Variants in CEP126 observed in about 807,000 individuals in gnomAD.
CEP126 encodes centrosomal protein 126.
In CEP126, 74 loss-of-function variants were observed where a neutral mutation model predicts 107.8. The ratio of observed to expected loss-of-function variants is 0.69; its 90% CI spans 0.57 to 0.83. The LOEUF (loss-of-function observed/expected upper bound fraction) is 0.83, where lower values mean the gene tolerates loss of function less well. CEP126 is among the 40% of genes least tolerant of loss of function. The pLI, the probability that CEP126 is intolerant of heterozygous loss-of-function variation, is 0.00. For synonymous variants in CEP126, 449 were observed against 446.0 expected (o/e 1.01, Z -0.08); for missense variants, 1,237 against 1,281.9 (o/e 0.96, Z 0.53).
rs1940983586 is a variant in CEP126 at position 101,962,139 on chromosome 11, AC to A, written c.1107del (p.Phe370LeufsTer10). The A allele has an allele frequency of 2.5e-6, 4 of 1,612,796 alleles. No individual in the cohort carries two copies. The East Asian group carries it at 6.7e-5, about 27-fold the overall frequency. On this transcript the variant is annotated frameshift_variant, in exon 6 of 11. Transcript: ENST00000263468. LOFTEE classifies it high-confidence loss of function. ...CCACAAATACTGCTAATAATTCAGT[AC>A]CCTTTGTATCTAGCCCACCCATGTT... ...RATNTANNSVPFVSSPPMFVL... is the reference protein window; with the variant it reads ...RATNTANNSVXFVSSPPMFVL...
rs1047431691 is a variant in CEP126, at chr11:101,915,293, G to A, written c.9G>A (p.Ala3=). ML[A]GRPGTRSAVG... ...CGGCGCTGAAGTGAAGGATGCTGGC[G>A]GGGAGGCCCGGAACCCGGAGCGCGG... Residue 3 remains alanine (A), a synonymous_variant, in exon 1 of 11, where the codon GCG becomes GCA. Transcript: ENST00000263468. 4.3e-6 allele frequency: 7 copies of A among 1,613,478 alleles called. No homozygotes were observed. Among genetic ancestry groups the A allele is most frequent in the African/African-American group, 4.0e-5 (3 of 74,946 alleles).
chr11:101,988,963 A>G (rs577249153), intron 9 of CEP126, among the ~76,000 whole-genome samples: 14 of 152,286 alleles, frequency 9.2e-5, no homozygotes, highest in African/African-American at 3.1e-4. Context: ...GATTTTAAAA[A>G]TCAAATAGAT....
At position 101,953,823 on chromosome 11, in the gene CEP126, G is replaced by A. The variant is rs111429174; in HGVS notation, c.507-4345G>A. On this transcript the variant is annotated intron_variant, in intron 4 of 10. Coordinates refer to ENST00000263468, the MANE Select transcript of CEP126 (RefSeq NM_020802.4). Reference sequence around the variant, plus strand: ...TTATATGTGTCAATATAATTTTAGAGTACTCTATAGGAAAGCTTGTCTGAA... The same window carrying A: ...TTATATGTGTCAATATAATTTTAGAATACTCTATAGGAAAGCTTGTCTGAA... Among the ~76,000 whole-genome samples the A allele has an allele frequency of 7.7e-3, 1,177 of 152,186 alleles. 11 individuals carry two copies. The highest frequency in any genetic ancestry group is 0.013 in the Admixed American group (197 of 15,278).
At chr11:101,935,660 G>T (rs891205455) in intron 2 of CEP126, among the ~76,000 whole-genome samples, 1 of 151,904 alleles carries the variant, frequency 6.6e-6, no homozygotes, top group Non-Finnish European at 1.5e-5. Context: ...TCTGTATTTT[G>T]TTCCATTGGT....
intron 3 of CEP126, among the ~76,000 whole-genome samples, chr11:101,947,272 G>A (rs573837353): frequency 6.6e-6 from 1 of 152,140 alleles, no homozygotes; most frequent in Non-Finnish European, 1.5e-5. Context: ...GTTATTTATA[G>A]TATGTGATAT....
Position 101,915,220 on chromosome 11 carries a change from A to G in CEP126, c.-65A>G. On this transcript the variant is annotated 5_prime_UTR_variant, in exon 1 of 11. Transcript: ENST00000263468. ...TAGGGAGGGGCCGAGCAGGAGGAGG[A>G]GGAAGCCGGAGCTGCCATGAGGGAG... 1 of 1,598,484 alleles carries G rather than the reference A, an allele frequency of 6.3e-7. No individual in the cohort carries two copies. Among genetic ancestry groups the G allele is most frequent in the Non-Finnish European group, 8.5e-7 (1 of 1,172,004 alleles).
In CEP126 at chr11:101,915,256, C is replaced by A. The variant is rs374652030; in HGVS notation, c.-29C>A. ...GCTGCCATGAGGGAGGTTCTGGGGG[C>A]GAGCAGACAGGCGGCGCTGAAGTGA... On this transcript the variant is annotated 5_prime_UTR_variant, in exon 1 of 11. Transcript: ENST00000263468. 5.2e-5 allele frequency: 83 copies of A among 1,611,616 alleles called. 1 individual carries two copies. The highest frequency in any genetic ancestry group is 4.3e-4 in the African/African-American group (32 of 75,018).
intron 10 of CEP126, among the ~76,000 whole-genome samples, chr11:101,994,974 A>G: frequency 6.6e-6 from 1 of 151,242 alleles, no homozygotes. Flanking sequence ...TGCTGCACCC[A>G]TCAACCCATC....
Position 101,962,582 on chromosome 11 carries a change from CTTTA to C in CEP126, c.1551_1554del (p.Leu517PhefsTer23), listed in dbSNP as rs751262356. 5 of 1,613,468 alleles carry C rather than the reference CTTTA, an allele frequency of 3.1e-6. No individual in the cohort carries two copies. Among genetic ancestry groups the C allele is most frequent in the Non-Finnish European group, 4.2e-6 (5 of 1,179,716 alleles). ...TTTAATTGCAATAAGGAAGAGTTGCCTTTATTTTCAGACAGTTTTCAAGATGCCT... is the reference window on the plus strand; with the variant it reads ...TTTAATTGCAATAAGGAAGAGTTGCCTTTTCAGACAGTTTTCAAGATGCCT... On this transcript the variant is annotated frameshift_variant, in exon 6 of 11. Coordinates refer to ENST00000263468, the MANE Select transcript of CEP126 (RefSeq NM_020802.4). LOFTEE classifies it high-confidence loss of function.
At chr11:101,936,941 G>A (rs1940589435) in intron 2 of CEP126, among the ~76,000 whole-genome samples, 1 of 152,060 alleles carries the variant, frequency 6.6e-6, no homozygotes, top group African/African-American at 2.4e-5. Flanking sequence ...AATACAGATT[G>A]AGTGCTCATT....
intron 8 of CEP126, among the ~76,000 whole-genome samples, chr11:101,982,823 TG>T (rs952172164): frequency 4.6e-5 from 7 of 152,324 alleles, no homozygotes; most frequent in Non-Finnish European, 1.0e-4. Flanking sequence ...CAAAATTTTT[TG>T]ACCCCTGACA....
At chr11:101,987,712 G>A (rs1470227656) in intron 9 of CEP126, among the ~76,000 whole-genome samples, 3 of 151,488 alleles carry the variant, frequency 2.0e-5, no homozygotes, top group Non-Finnish European at 4.4e-5. Context: ...GTATTGAGCA[G>A]GTGATAGAGG....
chr11:101,992,555 C>T (rs1017530391), intron 9 of CEP126, among the ~76,000 whole-genome samples: 1 of 151,902 alleles, frequency 6.6e-6, no homozygotes, highest in Non-Finnish European at 1.5e-5. Flanking sequence ...TAGGAATTAT[C>T]TTTTATCAAC....
At chr11:101,917,837 T>TC (rs1463198559) in intron 1 of CEP126, among the ~76,000 whole-genome samples, 1 of 152,164 alleles carries the variant, frequency 6.6e-6, no homozygotes. Flanking sequence ...ATAGTCCTGC[T>TC]CCTTTACTCC....
intron 2 of CEP126, among the ~76,000 whole-genome samples, chr11:101,938,014 G>A (rs1364950928): frequency 1.3e-5 from 2 of 151,196 alleles, no homozygotes; most frequent in Non-Finnish European, 3.0e-5. Context: ...TTAGCCGGGC[G>A]TGGTGGCGGA....
chr11:101,934,568 A>G (rs1276907584), intron 2 of CEP126, among the ~76,000 whole-genome samples: 2 of 151,990 alleles, frequency 1.3e-5, no homozygotes, highest in East Asian at 3.8e-4. Flanking sequence ...TTCACACTCC[A>G]TAGTCTATCA....
rs2137136554 is a variant in CEP126, at chr11:101,992,718, ATTC to A, written c.3245-55_3245-53del. 3.2e-6 allele frequency: 3 copies of A among 928,066 alleles called. No homozygotes were observed. In the East Asian group the frequency reaches 9.3e-5, roughly 29 times the overall value. 57.5% of individuals were successfully genotyped at this position (928,066 alleles called of 1,614,324 possible). A position where few individuals can be genotyped will look rare whatever the true frequency, so the allele number is the denominator to read the frequency against. On this transcript the variant is annotated intron_variant, in intron 9 of 10. Coordinates refer to ENST00000263468, the MANE Select transcript of CEP126 (RefSeq NM_020802.4). ...GAATTTAATATTTGATTCTTTAGTC[ATTC>A]TTCTATTTCTATATATGTAACTAAA...
intron 9 of CEP126, among the ~76,000 whole-genome samples, chr11:101,992,125 C>T (rs1217029671): frequency 1.3e-5 from 2 of 150,162 alleles, no homozygotes; most frequent in Non-Finnish European, 3.0e-5. Flanking sequence ...GTTTTATATA[C>T]TCTGTATTTT....
At chr11:101,991,904 C>T (rs1046269073) in intron 9 of CEP126, among the ~76,000 whole-genome samples, 12 of 152,062 alleles carry the variant, frequency 7.9e-5, no homozygotes, top group Non-Finnish European at 1.6e-4. Flanking sequence ...ATTTTGCATC[C>T]TTGCAATTAA....
Sources: allele counts gnomAD v4.1 joint callset (sites outside exome capture counted in the v4.1 genomes callset), GRCh38; gene constraint gnomAD v4.1.1; transcripts MANE v1.5; gene names NCBI Gene and HGNC (gene_info 2026-07-23, HGNC 2026-07-21).